Variants in TRMT61B observed in about 807,000 individuals in gnomAD.
TRMT61B encodes the protein tRNA (adenine(58)-N(1))-methyltransferase, mitochondrial.
In TRMT61B, 56 loss-of-function variants were observed where a neutral mutation model predicts 52.0. The ratio of observed to expected loss-of-function variants is 1.08; its 90% CI spans 0.87 to 1.35. TRMT61B has a LOEUF of 1.35. TRMT61B is among the 40% of genes most tolerant of loss of function. TRMT61B has a pLI of 0.00. For missense variants in TRMT61B, 650 were observed against 577.9 expected (o/e 1.12, Z -1.28); for synonymous variants, 206 against 220.0 (o/e 0.94, Z 0.56).
At chr2:28,866,769 T>C (rs965905384) in intron 1 of TRMT61B, among the ~76,000 whole-genome samples, 2 of 152,176 alleles carry the variant, frequency 1.3e-5, no homozygotes, top group African/African-American at 4.8e-5. Context: ...ATATTACGGA[T>C]GATATTAATA....
intron 1 of TRMT61B, among the ~76,000 whole-genome samples, chr2:28,868,865 G>T (rs1010458949): frequency 1.8e-4 from 28 of 152,170 alleles, no homozygotes; most frequent in Non-Finnish European, 1.2e-4. Flanking sequence ...TTAGCCCGGG[G>T]TGGTGGTGCA....
chr2:28,858,230 T>C (rs558437732), intron 3 of TRMT61B, among the ~76,000 whole-genome samples: 56 of 151,942 alleles, frequency 3.7e-4, no homozygotes, highest in African/African-American at 1.2e-3. Flanking sequence ...TTAGTAGAGA[T>C]GGGGTTTCAC....
Position 28,870,227 on chromosome 2 carries a change from C to A in TRMT61B, c.51G>T (p.Gly17=), listed in dbSNP as rs772972805. ...CGTGCAGGAATGAATTGGTTCCGAG[C>A]CCCTGCCGCAGGCACAGCAAGACAG... ...RGPVLLCLRQ[G]LGTNSFLHGL... is the part of the protein sequence containing the mutation. Residue 17 remains glycine, a synonymous_variant, in exon 1 of 7, where the codon GGG becomes GGT. Coordinates refer to ENST00000306108, the MANE Select transcript of TRMT61B (RefSeq NM_017910.4). 1.2e-6 allele frequency: 2 copies of A among 1,609,868 alleles called. No homozygotes were observed. Among genetic ancestry groups the A allele is most frequent in the East Asian group, 4.5e-5 (2 of 44,872 alleles).
At chr2:28,850,510 T>C (rs962467847) in intron 5 of TRMT61B, 105 bp from the exon 6 acceptor site, 2 of 744,564 alleles carry the variant, frequency 2.7e-6, no homozygotes, top group Non-Finnish European at 4.3e-6. Flanking sequence ...AGTTTTTTCT[T>C]TATTTATTTC....
At position 28,865,076 on chromosome 2, in the gene TRMT61B, T is replaced by G; in HGVS notation, c.743A>C (p.Asp248Ala). The G allele has an allele frequency of 1.9e-6, 3 of 1,613,286 alleles. No homozygotes were observed. The highest frequency in any genetic ancestry group is 1.7e-6 in the Non-Finnish European group (2 of 1,179,356). Reference sequence around the variant, plus strand: ...GCCTGAGCCAGCTTCCAAAACAGTATCACCTGGGTTGATATCCATCATTGA... The same window carrying G: ...GCCTGAGCCAGCTTCCAAAACAGTAGCACCTGGGTTGATATCCATCATTGA... ...ILSMMDINPGDTVLEAGSGSG... is the reference protein window; with the variant it reads ...ILSMMDINPGATVLEAGSGSG... Residue 248 changes from aspartate to alanine, a missense_variant, in exon 2 of 7, where the codon GAT (aspartate) becomes GCT (alanine). By Grantham distance (126) the Asp-to-Ala change is moderately radical. Coordinates refer to ENST00000306108, the MANE Select transcript of TRMT61B (RefSeq NM_017910.4).
intron 2 of TRMT61B, among the ~76,000 whole-genome samples, chr2:28,864,369 A>G (rs1225090518): frequency 1.3e-5 from 2 of 152,182 alleles, no homozygotes; most frequent in East Asian, 3.9e-4. Flanking sequence ...AATGTCTATC[A>G]ACAGTAAAAT....
intron 1 of TRMT61B, among the ~76,000 whole-genome samples, chr2:28,868,612 G>A (rs1306360907): frequency 2.0e-5 from 3 of 152,198 alleles, no homozygotes; most frequent in Non-Finnish European, 4.4e-5. Flanking sequence ...AATAACGAAT[G>A]AATCCTGATC....
At chr2:28,852,881 C>A (rs1669183784) in intron 3 of TRMT61B, among the ~76,000 whole-genome samples, 1 of 152,044 alleles carries the variant, frequency 6.6e-6, no homozygotes, top group East Asian at 1.9e-4. Flanking sequence ...GTCACTGGAG[C>A]CTAGGAGTTC....
chr2:28,868,455 G>T (rs1192802457), intron 1 of TRMT61B, among the ~76,000 whole-genome samples: 1 of 152,130 alleles, frequency 6.6e-6, no homozygotes, highest in Non-Finnish European at 1.5e-5. Flanking sequence ...AACACTACTG[G>T]AAATGACCTT....
intron 3 of TRMT61B, among the ~76,000 whole-genome samples, chr2:28,854,456 A>G (rs1364883834): frequency 6.6e-6 from 1 of 151,904 alleles, no homozygotes; most frequent in African/African-American, 2.4e-5. Flanking sequence ...AATAAAAAAA[A>G]TGGCAGGGTG....
chr2:28,857,748 C>T (rs1669408485), intron 3 of TRMT61B, among the ~76,000 whole-genome samples: 1 of 152,182 alleles, frequency 6.6e-6, no homozygotes, highest in Non-Finnish European at 1.5e-5. Flanking sequence ...ACTTATTTCC[C>T]TCTATTCCTT....
intron 1 of TRMT61B, among the ~76,000 whole-genome samples, chr2:28,868,123 C>T (rs952915270): frequency 2.6e-5 from 4 of 152,104 alleles, no homozygotes; most frequent in African/African-American, 4.8e-5. Context: ...CCTGGGTAGA[C>T]CGTTTAAAAT....
intron 3 of TRMT61B, among the ~76,000 whole-genome samples, chr2:28,852,892 G>A (rs1669184023): frequency 6.6e-6 from 1 of 152,004 alleles, no homozygotes. Flanking sequence ...CTAGGAGTTC[G>A]AGGCTGTAGT....
intron 2 of TRMT61B, among the ~76,000 whole-genome samples, 159 bp downstream of exon 2, chr2:28,864,858 G>A (rs1042872435): frequency 6.6e-6 from 1 of 152,192 alleles, no homozygotes; most frequent in African/African-American, 2.4e-5. Flanking sequence ...TGGAATAAAT[G>A]TACAGAATGG....
At chr2:28,861,566 A>G (rs1042496723) in intron 2 of TRMT61B, 12 of 415,556 alleles carry the variant, frequency 2.9e-5, no homozygotes, top group African/African-American at 1.6e-4. Context: ...TGTTTTTAAT[A>G]CACACTGTGG....
At chr2:28,853,604 G>C (rs945856441) in intron 3 of TRMT61B, among the ~76,000 whole-genome samples, 7 of 152,202 alleles carry the variant, frequency 4.6e-5, no homozygotes, top group Non-Finnish European at 1.0e-4. Context: ...TGGGAGCCCA[G>C]GCGGGTGGAT....
rs138966415 is a variant in TRMT61B, at chr2:28,869,863, C to A, written c.415G>T (p.Val139Phe). 13 of 1,614,174 alleles carry A rather than the reference C, an allele frequency of 8.1e-6. No individual in the cohort carries two copies. The highest frequency in any genetic ancestry group is 1.1e-5 in the Non-Finnish European group (13 of 1,180,024). Reference protein sequence around the residue: ...QSATEVEERHVSPSCSTSRER... With the variant: ...QSATEVEERHFSPSCSTSRER... ...CTGGAAGTTGAACAAGAAGGGGAGACGTGACGCTCTTCGACCTCGGTAGCG... is the reference window on the plus strand; with the variant it reads ...CTGGAAGTTGAACAAGAAGGGGAGAAGTGACGCTCTTCGACCTCGGTAGCG... The change falls in exon 1 of 7, where the codon GTC becomes TTC. Residue 139 changes from valine (V) to phenylalanine (F), a missense_variant. By Grantham distance (50) the Val-to-Phe change is conservative. Transcript: ENST00000306108.
At position 28,869,602 on chromosome 2, in the gene TRMT61B, C is replaced by T. The variant is rs761347824; in HGVS notation, c.676G>A (p.Gly226Arg). The stretch of plus-strand genomic sequence containing the variant: ...ACCTTTGGGAATGTTATGGCAGTCC[C>T]TCTTTTCATCAATACTACATAGTCT... ...LEDYVVLMKR[G>R]TAITFPKDIN... is the part of the protein sequence containing the mutation. Residue 226 changes from glycine to arginine, a missense_variant, in exon 1 of 7, where the codon GGG (glycine) becomes AGG (arginine). Gly to Arg is a moderately radical substitution (Grantham distance 125, BLOSUM62 -2). Coordinates refer to ENST00000306108, the MANE Select transcript of TRMT61B (RefSeq NM_017910.4). 6 of 1,612,410 alleles carry T rather than the reference C, an allele frequency of 3.7e-6. No individual in the cohort carries two copies. In the East Asian group the frequency reaches 1.1e-4, roughly 30 times the overall value.
chr2:28,862,886 G>GTGTA (rs1558347179), intron 2 of TRMT61B, among the ~76,000 whole-genome samples: 2 of 148,040 alleles, frequency 1.4e-5, no homozygotes, highest in Non-Finnish European at 2.9e-5. Flanking sequence ...GTGTGTGTGT[G>GTGTA]TGTGTGTGTG....
Sources: allele counts gnomAD v4.1 joint callset (sites outside exome capture counted in the v4.1 genomes callset), GRCh38; gene constraint gnomAD v4.1.1; transcripts MANE v1.5; gene names NCBI Gene and HGNC (gene_info 2026-07-23, HGNC 2026-07-21).